ZFYVE9: variants seen among roughly 807,000 people sequenced by gnomAD.
ZFYVE9 encodes zinc finger FYVE domain-containing protein 9.
A neutral mutation model predicts 126.7 loss-of-function variants in ZFYVE9; 43 were observed. That is an observed-to-expected ratio of 0.34 (90% confidence interval 0.27 to 0.44). The LOEUF (loss-of-function observed/expected upper bound fraction) is 0.44, where lower values mean the gene tolerates loss of function less well. Ranked by LOEUF, ZFYVE9 falls within the 20% of genes least tolerant of loss-of-function variation. The pLI, the probability that ZFYVE9 is intolerant of heterozygous loss-of-function variation, is 1.00. For missense variants in ZFYVE9, 1,476 were observed against 1,697.0 expected, an observed-to-expected ratio of 0.87 and a Z score of 2.29; for synonymous variants, 521 against 597.4, an observed-to-expected ratio of 0.87 and a Z score of 1.87.
At chr1:52,243,738 G>A (rs762532791) in intron 4 of ZFYVE9, among the ~76,000 whole-genome samples, 2 of 151,752 alleles carry the variant, frequency 1.3e-5, no homozygotes, top group African/African-American at 4.8e-5. Context: ...CAGCCAGAGT[G>A]ACAGAGCTGA....
chr1:52,263,277 T>C (rs926507850), intron 4 of ZFYVE9, among the ~76,000 whole-genome samples: 1 of 152,124 alleles, frequency 6.6e-6, no homozygotes, highest in Non-Finnish European at 1.5e-5. Flanking sequence ...TTGTATATAT[T>C]GACCCTTGGC....
intron 1 of ZFYVE9, among the ~76,000 whole-genome samples, chr1:52,184,757 GC>G (rs1644748907): frequency 6.6e-6 from 1 of 152,094 alleles, no homozygotes. Context: ...AAAACTGAGT[GC>G]GGTGACCTAT....
At chr1:52,308,250 G>A (rs1011525546) in intron 13 of ZFYVE9, among the ~76,000 whole-genome samples, 1 of 152,016 alleles carries the variant, frequency 6.6e-6, no homozygotes, top group Non-Finnish European at 1.5e-5. Context: ...GCACAATCAT[G>A]GATCACTGCA....
chr1:52,266,106 T>G (rs1456202103), intron 5 of ZFYVE9, among the ~76,000 whole-genome samples: 1 of 152,060 alleles, frequency 6.6e-6, no homozygotes, highest in African/African-American at 2.4e-5. Context: ...TTTTTTATTT[T>G]TAATTTTTTT....
intron 1 of ZFYVE9, among the ~76,000 whole-genome samples, chr1:52,215,587 A>G (rs1645064566): frequency 6.6e-6 from 1 of 152,168 alleles, no homozygotes; most frequent in South Asian, 2.1e-4. Context: ...AAATACTATG[A>G]TTATGTGTTA....
intron 13 of ZFYVE9, among the ~76,000 whole-genome samples, chr1:52,312,836 T>C (rs1474755571): frequency 6.6e-6 from 1 of 152,234 alleles, no homozygotes; most frequent in African/African-American, 2.4e-5. Flanking sequence ...GATTGAATTG[T>C]GTCCCTCTAA....
intron 2 of ZFYVE9, among the ~76,000 whole-genome samples, chr1:52,229,016 A>C (rs1645194161): frequency 6.6e-6 from 1 of 151,766 alleles, no homozygotes; most frequent in Non-Finnish European, 1.5e-5. Flanking sequence ...CAACCTCTTG[A>C]GTAGCTGCAC....
chr1:52,294,966 G>C (rs1459135438), intron 11 of ZFYVE9, among the ~76,000 whole-genome samples: 1 of 152,198 alleles, frequency 6.6e-6, no homozygotes, highest in Non-Finnish European at 1.5e-5. Flanking sequence ...ACTTTTGAGA[G>C]GTGGCCAAGG....
intron 2 of ZFYVE9, among the ~76,000 whole-genome samples, chr1:52,232,392 T>C (rs1645231486): frequency 6.6e-6 from 1 of 152,114 alleles, no homozygotes; most frequent in Non-Finnish European, 1.5e-5. Context: ...CGATTAACAT[T>C]AAAGAAATGG....
At chr1:52,183,715 A>T (rs556417478) in intron 1 of ZFYVE9, among the ~76,000 whole-genome samples, 2 of 152,328 alleles carry the variant, frequency 1.3e-5, no homozygotes, top group East Asian at 3.9e-4. Context: ...CATGTTGCCC[A>T]GGCTGGTCTC....
intron 2 of ZFYVE9, among the ~76,000 whole-genome samples, chr1:52,230,851 T>C (rs1334083848): frequency 6.6e-6 from 1 of 152,244 alleles, no homozygotes; most frequent in Non-Finnish European, 1.5e-5. Flanking sequence ...ACTTGCTGTC[T>C]CCTGTGCTGT....
At chr1:52,265,086 A>G (rs1645618911) in intron 5 of ZFYVE9, among the ~76,000 whole-genome samples, 1 of 152,220 alleles carries the variant, frequency 6.6e-6, no homozygotes, top group Non-Finnish European at 1.5e-5. Flanking sequence ...ATAGCTAAAG[A>G]TGAAGGAAAT....
rs1374440181 is a variant in ZFYVE9, at chr1:52,284,308, T to G, written c.3025+2492T>G. 2.0e-5 allele frequency among the ~76,000 whole-genome samples: 3 copies of G among 152,126 alleles called. No individual in the cohort carries two copies. In the East Asian group the frequency reaches 5.8e-4, roughly 29 times the overall value. On this transcript the variant is annotated intron_variant, in intron 10 of 18. Coordinates refer to ENST00000287727, the MANE Select transcript of ZFYVE9 (RefSeq NM_004799.4). ...TGATAGTTGAGAGTATCGTTGTGAA[T>G]GGGATAGGCCTGTGTGAAGAGACTA...
At chr1:52,320,170 A>C (rs1282632087) in intron 13 of ZFYVE9, among the ~76,000 whole-genome samples, 1 of 151,822 alleles carries the variant, frequency 6.6e-6, no homozygotes, top group Non-Finnish European at 1.5e-5. Flanking sequence ...TCCTGGGTTC[A>C]AGTGATTCTC....
At chr1:52,247,004 G>A (rs573045129) in intron 4 of ZFYVE9, among the ~76,000 whole-genome samples, 31 of 151,822 alleles carry the variant, frequency 2.0e-4, no homozygotes, top group East Asian at 9.8e-4. Flanking sequence ...CGCTGTGCCC[G>A]GCCACTAATT....
intron 11 of ZFYVE9, among the ~76,000 whole-genome samples, chr1:52,294,233 C>T (rs993174852): frequency 1.3e-5 from 2 of 152,058 alleles, no homozygotes; most frequent in Non-Finnish European, 2.9e-5. Flanking sequence ...GCTAGGAATC[C>T]GACCACTTGA....
chr1:52,332,986 T>C (rs1170881792), intron 14 of ZFYVE9, 68 bp downstream of exon 14: 1 of 1,579,850 alleles, frequency 6.3e-7, no homozygotes, highest in Non-Finnish European at 8.7e-7. Context: ...GTTAGATACC[T>C]CAGTCCCGTA....
At chr1:52,332,291 A>G (rs2147869679) in intron 13 of ZFYVE9, among the ~76,000 whole-genome samples, 1 of 152,272 alleles carries the variant, frequency 6.6e-6, no homozygotes, top group South Asian at 2.1e-4. Flanking sequence ...TGAAGATCTC[A>G]AACATAAGTT....
At chr1:52,222,093 T>C (rs1201226456) in intron 2 of ZFYVE9, among the ~76,000 whole-genome samples, 2 of 152,222 alleles carry the variant, frequency 1.3e-5, no homozygotes, top group Admixed American at 1.3e-4. Flanking sequence ...AATTGGAGTT[T>C]ATTCTTTGAG....
Sources: allele counts gnomAD v4.1 joint callset (sites outside exome capture counted in the v4.1 genomes callset), GRCh38; gene constraint gnomAD v4.1.1; transcripts MANE v1.5; gene names NCBI Gene and HGNC (gene_info 2026-07-23, HGNC 2026-07-21).